Variants in DTWD2 observed in about 807,000 individuals in gnomAD.
DTWD2 encodes DTW motif tRNA-uridine aminocarboxypropyltransferase 2, also known as tRNA-uridine aminocarboxypropyltransferase 2.
A neutral mutation model predicts 31.8 loss-of-function variants in DTWD2; 39 were observed. The observed-to-expected ratio is 1.22, with a 90% CI of 0.95 to 1.60. The LOEUF (loss-of-function observed/expected upper bound fraction) is 1.60. DTWD2 is among the 40% of genes most tolerant of loss of function. The pLI is 0.00. For missense variants in DTWD2, 515 were observed against 381.5 expected, an observed-to-expected ratio of 1.35 and a Z score of -2.92; for synonymous variants, 180 against 142.8, an observed-to-expected ratio of 1.26 and a Z score of -1.86.
At chr5:118,897,087 G>T (rs1753100026) in intron 4 of DTWD2, among the ~76,000 whole-genome samples, 1 of 152,170 alleles carries the variant, frequency 6.6e-6, no homozygotes, top group Admixed American at 6.5e-5. Context: ...CCACAGTCAG[G>T]TTTAGTGATT....
chr5:118,871,551 G>C (rs1561434898), intron 4 of DTWD2, among the ~76,000 whole-genome samples: 1 of 152,198 alleles, frequency 6.6e-6, no homozygotes, highest in Non-Finnish European at 1.5e-5. Context: ...AAAATAACGT[G>C]AATCTCCTTT....
chr5:118,884,810 T>A (rs924532602), intron 4 of DTWD2, among the ~76,000 whole-genome samples: 1 of 150,972 alleles, frequency 6.6e-6, no homozygotes, highest in East Asian at 2.0e-4. Context: ...ATCCAGACCA[T>A]CCTGGCTAAC....
chr5:118,944,478 T>C (rs2149586115), intron 2 of DTWD2, 81 bp downstream of exon 2: 2 of 1,351,088 alleles, frequency 1.5e-6, no homozygotes, highest in East Asian at 4.7e-5. Flanking sequence ...AAAGAGCTGG[T>C]AAGGATAAGT....
intron 4 of DTWD2, among the ~76,000 whole-genome samples, chr5:118,925,948 A>C (rs1753799535): frequency 6.6e-6 from 1 of 150,920 alleles, no homozygotes; most frequent in African/African-American, 2.4e-5. Context: ...AAAACACATA[A>C]ACAAAGTGTG....
In DTWD2 at chr5:118,837,906, G is replaced by A. The variant is rs1751608703; in HGVS notation, c.*3011C>T. On this transcript the variant is annotated 3_prime_UTR_variant, in exon 6 of 6. Transcript: ENST00000510708. ...TGCACTCCAAACTGGGTGACAGAAG[G>A]AGGCCCTGTCTCTAAAATACATAAA... 6.6e-6 allele frequency: 1 copy of A among 152,118 alleles called. No homozygotes were observed. The highest frequency in any genetic ancestry group is 1.5e-5 in the Non-Finnish European group (1 of 68,016). The allele number at this position is 152,118 out of a possible 1,614,324, so 9.4% of individuals were successfully genotyped here.
intron 1 of DTWD2, among the ~76,000 whole-genome samples, chr5:118,968,997 G>C (rs1467503372): frequency 6.6e-6 from 1 of 152,216 alleles, no homozygotes; most frequent in Non-Finnish European, 1.5e-5. Context: ...CGGCTCCTCT[G>C]GGGAGTCCAG....
intron 1 of DTWD2, among the ~76,000 whole-genome samples, chr5:118,981,546 G>GA (rs34329039): frequency 0.49 from 72,739 of 149,648 alleles, 18,962 homozygotes; most frequent in East Asian, 0.94. Context: ...AAACTCAGCA[G>GA]AAAAAAAAAA....
intron 1 of DTWD2, among the ~76,000 whole-genome samples, chr5:118,975,055 A>G (rs566215376): frequency 6.6e-6 from 1 of 152,190 alleles, no homozygotes; most frequent in East Asian, 1.9e-4. Context: ...TATTTCCTGA[A>G]TTTGAATGTT....
chr5:118,852,749 T>C lies in DTWD2; in HGVS notation c.598-4531A>G, dbSNP rs532328606. On this transcript the variant is annotated intron_variant, in intron 4 of 5. Coordinates refer to ENST00000510708, the MANE Select transcript of DTWD2 (RefSeq NM_173666.4). ...ATATATATATCTAAAGGAATATAAA[T>C]TGTTCTATCATAATGACACAGGTAC... Among the ~76,000 whole-genome samples, 12 of 152,198 alleles carry C rather than the reference T, an allele frequency of 7.9e-5. No individual in the cohort carries two copies. The South Asian group carries it at 2.5e-3, about 32-fold the overall frequency.
intron 1 of DTWD2, among the ~76,000 whole-genome samples, chr5:118,969,596 G>A (rs1383648154): frequency 1.3e-5 from 2 of 152,160 alleles, no homozygotes; most frequent in Non-Finnish European, 2.9e-5. Context: ...ATGGAAGAGT[G>A]ACCTGTTAAA....
intron 5 of DTWD2, among the ~76,000 whole-genome samples, chr5:118,846,772 G>A (rs1173269235): frequency 6.6e-6 from 1 of 152,074 alleles, no homozygotes; most frequent in East Asian, 1.9e-4. Context: ...CATGGGAGTA[G>A]GTGACATGGT....
rs554832592 is a variant in DTWD2, at chr5:118,900,591, CAG to C, written c.597+27944_597+27945del. ...TTTTGTCTTAAGATAGACTGGATAA[CAG>C]AGCTAATAGATTAAACTAAAACCAG... is the stretch of plus-strand genomic sequence containing the variant. On this transcript the variant is annotated intron_variant, in intron 4 of 5. Transcript: ENST00000510708. Among the ~76,000 whole-genome samples the C allele has an allele frequency of 9.9e-5, 15 of 152,218 alleles. No homozygotes were observed. In the South Asian group the frequency reaches 3.1e-3, roughly 32 times the overall value.
At chr5:118,862,593 G>C (rs1316936628) in intron 4 of DTWD2, among the ~76,000 whole-genome samples, 1 of 152,114 alleles carries the variant, frequency 6.6e-6, no homozygotes, top group African/African-American at 2.4e-5. Context: ...TATTTACTTT[G>C]AAGAAACACA....
chr5:118,954,196 A>G (rs1295051613), intron 1 of DTWD2, among the ~76,000 whole-genome samples: 1 of 152,168 alleles, frequency 6.6e-6, no homozygotes, highest in Non-Finnish European at 1.5e-5. Flanking sequence ...GCTCATACCC[A>G]GGTGTTTGAG....
At chr5:118,919,529 AG>A (rs1753654217) in intron 4 of DTWD2, among the ~76,000 whole-genome samples, 1 of 152,234 alleles carries the variant, frequency 6.6e-6, no homozygotes, top group Non-Finnish European at 1.5e-5. Context: ...CCTTTAATGG[AG>A]GGGCCAAGTG....
chr5:118,934,875 T>C (rs1329739985), intron 3 of DTWD2, among the ~76,000 whole-genome samples: 3 of 152,226 alleles, frequency 2.0e-5, no homozygotes, highest in Non-Finnish European at 2.9e-5. Flanking sequence ...TTACCAGAGA[T>C]AAAGAAAGAC....
intron 4 of DTWD2, among the ~76,000 whole-genome samples, chr5:118,902,423 A>T (rs1309764069): frequency 6.6e-5 from 10 of 152,182 alleles, no homozygotes; most frequent in Non-Finnish European, 1.5e-4. Context: ...CAAATAATGT[A>T]TCACAAACTG....
chr5:118,962,337 T>G (rs1385855860), intron 1 of DTWD2, among the ~76,000 whole-genome samples: 1 of 152,176 alleles, frequency 6.6e-6, no homozygotes, highest in Non-Finnish European at 1.5e-5. Flanking sequence ...GTGCTACAAA[T>G]AAGCCACTGA....
chr5:118,965,617 T>C (rs1277471144), intron 1 of DTWD2, among the ~76,000 whole-genome samples: 3 of 152,216 alleles, frequency 2.0e-5, no homozygotes, highest in Non-Finnish European at 4.4e-5. Flanking sequence ...TGGGGTATGG[T>C]GTAAGATCTA....
Sources: gnomAD v4.1 joint callset for allele counts (sites outside exome capture counted in the v4.1 genomes callset) on GRCh38, gnomAD v4.1.1 for gene constraint, MANE v1.5 for transcripts, NCBI Gene and HGNC (gene_info 2026-07-23, HGNC 2026-07-21) for gene names.